The following LY6S variants were observed in gnomAD, a reference collection of about 807,000 sequenced individuals.
LY6S encodes the protein lymphocyte antigen 6S.
chr8:143,070,489 A>ATTTTTTTTTTTTTTTT, the LY6S span, among the ~76,000 whole-genome samples: 4 of 81,696 alleles, frequency 4.9e-5, no homozygotes, highest in Non-Finnish European at 8.1e-5. Flanking sequence ...ATATATATAT[A>ATTTTTTTTTTTTTTTT]TTTTTTTTTT....
the LY6S span, chr8:143,043,197 G>T: frequency 8.0e-6 from 11 of 1,367,544 alleles, no homozygotes; most frequent in South Asian, 1.2e-4. Flanking sequence ...GCTGCTGGCT[G>T]CCAGGACCAC....
chr8:143,070,446 GTA>G, the LY6S span, among the ~76,000 whole-genome samples: 22,219 of 69,194 alleles, frequency 0.32, 3,449 homozygotes, highest in African/African-American at 0.43. Flanking sequence ...TATATATATT[GTA>G]TATATATATA....
the LY6S span, among the ~76,000 whole-genome samples, chr8:143,060,698 C>G: frequency 4.6e-5 from 7 of 152,288 alleles, no homozygotes; most frequent in African/African-American, 1.7e-4. Flanking sequence ...TAGTGGTCCC[C>G]AGGGCCCAGC....
chr8:143,058,441 G>A, the LY6S span, among the ~76,000 whole-genome samples: 3 of 152,204 alleles, frequency 2.0e-5, no homozygotes, highest in Non-Finnish European at 4.4e-5. Flanking sequence ...CAGAGAGAGA[G>A]AGGAGACAGA....
chr8:143,066,148 A>ATTTTTTTTCT, the LY6S span: 89 of 253,530 alleles, frequency 3.5e-4, no homozygotes, highest in African/African-American at 2.3e-3. Context: ...CCAATGATGA[A>ATTTTTTTTCT]TTTCTTTTCT....
chr8:143,076,285 G>A, the LY6S span, among the ~76,000 whole-genome samples: 1 of 152,222 alleles, frequency 6.6e-6, no homozygotes, highest in Non-Finnish European at 1.5e-5. Context: ...GCCAGAGTGT[G>A]AGGCCCCCAC....
At chr8:143,075,551 A>G in the LY6S span, among the ~76,000 whole-genome samples, 1 of 152,154 alleles carries the variant, frequency 6.6e-6, no homozygotes, top group South Asian at 2.1e-4. The surrounding 1 kb of genome is among the most constrained non-coding windows in gnomAD (Gnocchi z 4.1). Context: ...TAAAAATACA[A>G]AAAGTAGCCA....
At chr8:143,072,956 T>C in the LY6S span, among the ~76,000 whole-genome samples, 676 of 36,604 alleles carry the variant, frequency 0.018, 18 homozygotes, top group African/African-American at 0.091. Context: ...GCCGTCGTCC[T>C]CGGGGTTCCT....
the LY6S span, chr8:143,057,942 T>C: frequency 1.8e-6 from 1 of 557,340 alleles, no homozygotes; most frequent in Non-Finnish European, 3.2e-6. Flanking sequence ...GGTCTCAGCG[T>C]CGTCTCTGTC....
At chr8:143,066,206 T>C in the LY6S span, 1 of 238,788 alleles carries the variant, frequency 4.2e-6, no homozygotes, top group African/African-American at 2.5e-5. Context: ...TCTCACTCTA[T>C]CACTCAGGCT....
chr8:143,051,209 T>C, the LY6S span, among the ~76,000 whole-genome samples: 1 of 152,150 alleles, frequency 6.6e-6, no homozygotes, highest in Non-Finnish European at 1.5e-5. Context: ...CAGCTAGCCT[T>C]GTTCCCCTGT....
chr8:143,061,561 T>G, the LY6S span, among the ~76,000 whole-genome samples: 1 of 152,232 alleles, frequency 6.6e-6, no homozygotes, highest in Non-Finnish European at 1.5e-5. Flanking sequence ...TGTTGGTTTT[T>G]GAGAGGGAGT....
chr8:143,041,443 T>G, the LY6S span, among the ~76,000 whole-genome samples: 4,971 of 152,322 alleles, frequency 0.033, 263 homozygotes, highest in African/African-American at 0.11. Flanking sequence ...TCCCTGAACG[T>G]TGCTGTTACC....
chr8:143,047,436 G>A, the LY6S span, among the ~76,000 whole-genome samples: 30 of 152,206 alleles, frequency 2.0e-4, no homozygotes, highest in African/African-American at 5.5e-4. Context: ...GAGGCACGGC[G>A]CCTGGCCCAG....
chr8:143,052,944 G>A, the LY6S span, among the ~76,000 whole-genome samples: 17 of 152,192 alleles, frequency 1.1e-4, no homozygotes, highest in Non-Finnish European at 2.9e-5. Context: ...TCAGTGTATT[G>A]TAAAATATAT....
At chr8:143,066,018 T>C in the LY6S span, 1 of 368,228 alleles carries the variant, frequency 2.7e-6, no homozygotes, top group Non-Finnish European at 5.2e-6. Flanking sequence ...CCTGACTACC[T>C]TGCTGTGCAT....
the LY6S span, among the ~76,000 whole-genome samples, chr8:143,061,273 A>AG: frequency 6.6e-6 from 1 of 152,038 alleles, no homozygotes; most frequent in African/African-American, 2.4e-5. Context: ...AAAAAAAAAA[A>AG]AATCACTGAA....
the LY6S span, among the ~76,000 whole-genome samples, chr8:143,051,160 T>C: frequency 1.3e-5 from 2 of 152,308 alleles, no homozygotes; most frequent in South Asian, 4.1e-4. Flanking sequence ...ATGCAAGGGC[T>C]GACAGGAAAG....
chr8:143,051,800 C>T, the LY6S span, among the ~76,000 whole-genome samples: 1,844 of 151,400 alleles, frequency 0.012, 30 homozygotes, highest in East Asian at 0.07. Flanking sequence ...GGAGAAACCC[C>T]GTCTCTACTA....
Sources: allele counts gnomAD v4.1 joint callset (sites outside exome capture counted in the v4.1 genomes callset), GRCh38; gene constraint gnomAD v4.1.1; non-coding constraint Gnocchi (gnomAD v3.1); transcripts MANE v1.5; gene names NCBI Gene and HGNC (gene_info 2026-07-23, HGNC 2026-07-21).